IMPG2: variants seen among roughly 807,000 people sequenced by gnomAD.
IMPG2 encodes the protein IPM 200.
Under a neutral mutation model 129.2 loss-of-function variants are expected in IMPG2, and 91 were observed. That is an observed-to-expected ratio of 0.70 (90% CI 0.59 to 0.84). IMPG2 has a LOEUF of 0.84. Ranked by LOEUF, IMPG2 falls within the 40% of genes least tolerant of loss-of-function variation. The pLI is 0.00. For missense variants in IMPG2, 1,430 were observed against 1,461.7 expected (o/e 0.98, Z 0.35); for synonymous variants, 510 against 517.7 (o/e 0.99, Z 0.20).
In IMPG2 at chr3:101,265,578, C is replaced by T. The variant is rs1008083963; in HGVS notation, c.908+1933G>A. 5.9e-5 allele frequency among the ~76,000 whole-genome samples: 9 copies of T among 152,136 alleles called. No individual in the cohort carries two copies. The East Asian group carries it at 7.7e-4, about 13-fold the overall frequency. ...ATAGATCAAAGACCTAAATGTCAGACTTGAAAAACTATTAAATACTAGAAG... is the reference window on the plus strand; with the variant it reads ...ATAGATCAAAGACCTAAATGTCAGATTTGAAAAACTATTAAATACTAGAAG... On this transcript the variant is annotated intron_variant, in intron 9 of 18. Coordinates refer to ENST00000193391, the MANE Select transcript of IMPG2 (RefSeq NM_016247.4).
Position 101,241,456 on chromosome 3 carries a change from T to C in IMPG2, c.3022+1232A>G, listed in dbSNP as rs1166537475. ...ACATGTTGAGCAGAGGTTAGTTACA[T>C]TGGATATCGGGGAAGAAGATGGGGA... On this transcript the variant is annotated intron_variant, in intron 14 of 18. Coordinates refer to ENST00000193391, the MANE Select transcript of IMPG2 (RefSeq NM_016247.4). Among the ~76,000 whole-genome samples the C allele has an allele frequency of 2.6e-5, 4 of 152,062 alleles. No homozygotes were observed. The East Asian group carries it at 5.8e-4, about 22-fold the overall frequency.
intron 2 of IMPG2, among the ~76,000 whole-genome samples, chr3:101,313,998 T>G (rs1417363736): frequency 1.3e-5 from 2 of 152,000 alleles, no homozygotes; most frequent in African/African-American, 4.8e-5. Context: ...GATGAAAAAA[T>G]GTGAAATCCT....
chr3:101,299,139 C>T (rs1471876507), intron 3 of IMPG2, among the ~76,000 whole-genome samples: 2 of 152,076 alleles, frequency 1.3e-5, no homozygotes, highest in Non-Finnish European at 2.9e-5. Flanking sequence ...TGCCTTATTT[C>T]AGCAAAATAG....
chr3:101,256,211 AAGAAAG>A (rs1170874639), intron 10 of IMPG2, among the ~76,000 whole-genome samples: 1 of 150,572 alleles, frequency 6.6e-6, no homozygotes, highest in Admixed American at 6.6e-5. Flanking sequence ...GAAAGAAAGA[AAGAAAG>A]AAAAAAATAT....
chr3:101,257,826 A>T, intron 9 of IMPG2, 53 bp from the exon 10 acceptor site: 1 of 1,598,508 alleles, frequency 6.3e-7, no homozygotes, highest in South Asian at 1.1e-5. Context: ...GCACAAAGAA[A>T]GGAGCATTGA....
chr3:101,291,620 T>C, intron 3 of IMPG2, 110 bp from the exon 4 acceptor site: 1 of 776,646 alleles, frequency 1.3e-6, no homozygotes, highest in East Asian at 2.6e-5. Context: ...GAATCTATGT[T>C]AGTACTCTCT....
At chr3:101,241,243 T>A (rs1357335160) in intron 14 of IMPG2, among the ~76,000 whole-genome samples, 1 of 152,094 alleles carries the variant, frequency 6.6e-6, no homozygotes, top group East Asian at 1.9e-4. Context: ...ATATAAAAAC[T>A]GACAGGAAAG....
chr3:101,289,726 A>G (rs1162361648), intron 4 of IMPG2, among the ~76,000 whole-genome samples: 7 of 151,952 alleles, frequency 4.6e-5, no homozygotes, highest in African/African-American at 1.5e-4. Flanking sequence ...CACATGATCA[A>G]ATTTATTCTT....
intron 2 of IMPG2, among the ~76,000 whole-genome samples, chr3:101,308,363 G>T (rs545738576): frequency 1.3e-5 from 2 of 152,328 alleles, no homozygotes; most frequent in South Asian, 2.1e-4. Context: ...AAAAACTTCT[G>T]CCTGGACATC....
chr3:101,236,278 T>C (rs1559640681), intron 14 of IMPG2, among the ~76,000 whole-genome samples: 1 of 152,216 alleles, frequency 6.6e-6, no homozygotes, highest in Non-Finnish European at 1.5e-5. Context: ...GCAGGTTTTA[T>C]ACTGCACAGG....
intron 8 of IMPG2, among the ~76,000 whole-genome samples, 196 bp from the exon 9 acceptor site, chr3:101,267,727 G>T (rs902366909): frequency 6.6e-6 from 1 of 152,010 alleles, no homozygotes; most frequent in Non-Finnish European, 1.5e-5. Context: ...TAAAACCATG[G>T]TCTTTATTTT....
intron 9 of IMPG2, among the ~76,000 whole-genome samples, chr3:101,266,683 C>CTGTCTTGTTGAGTTGATG (rs1706724148): frequency 2.0e-5 from 3 of 152,246 alleles, no homozygotes; most frequent in African/African-American, 7.2e-5. Flanking sequence ...GTCAACAACC[C>CTGTCTTGTTGAGTTGATG]AGCCATTGTT....
At chr3:101,278,065 T>G (rs746801813) in intron 4 of IMPG2, among the ~76,000 whole-genome samples, 28 of 152,020 alleles carry the variant, frequency 1.8e-4, no homozygotes, top group Non-Finnish European at 3.2e-4. Flanking sequence ...TGAAACCCCG[T>G]CTCTACTAAA....
Position 101,319,709 on chromosome 3 carries a change from T to C in IMPG2, c.209A>G (p.Glu70Gly). 6.2e-7 allele frequency: 1 copy of C among 1,613,758 alleles called. No homozygotes were observed. The highest frequency in any genetic ancestry group is 8.5e-7 in the Non-Finnish European group (1 of 1,179,824). The change falls in exon 2 of 19, where the codon GAA becomes GGA. Residue 70 changes from glutamate to glycine, a missense_variant. Physicochemically the swap from Glu to Gly is moderately conservative, Grantham distance 98. Coordinates refer to ENST00000193391, the MANE Select transcript of IMPG2 (RefSeq NM_016247.4). ...TCTGATTAACCACTGTCTTTCAGTT[T>C]CTCTGCGGTCCAGAGGCTGTTTCTT... ...TKKKQPLDRR[E>G]TERQWLIRRR... is the part of the protein sequence containing the mutation.
intron 3 of IMPG2, among the ~76,000 whole-genome samples, chr3:101,299,718 C>T (rs1707120034): frequency 6.6e-6 from 1 of 152,120 alleles, no homozygotes; most frequent in African/African-American, 2.4e-5. Context: ...CTGGTTCATT[C>T]CCATGCCTGG....
chr3:101,231,153 C>A lies in IMPG2; in HGVS notation c.3234-8G>T. On this transcript the variant is annotated splice_region_variant and splice_polypyrimidine_tract_variant and intron_variant, in intron 15 of 18. Transcript: ENST00000193391. Reference sequence around the variant, plus strand: ...TTCTCACCCACCCGGCACCTGCAACCAACAGTCACCAAGTCCGATATCTGA... The same window carrying A: ...TTCTCACCCACCCGGCACCTGCAACAAACAGTCACCAAGTCCGATATCTGA... The A allele has an allele frequency of 2.5e-6, 4 of 1,613,756 alleles. No homozygotes were observed. Among genetic ancestry groups the A allele is most frequent in the East Asian group, 2.2e-5 (1 of 44,874 alleles).
chr3:101,264,453 T>A (rs1161311798), intron 9 of IMPG2, among the ~76,000 whole-genome samples: 1 of 152,000 alleles, frequency 6.6e-6, no homozygotes, highest in South Asian at 2.1e-4. Flanking sequence ...ATAAAAACCA[T>A]ATGATCATCA....
intron 7 of IMPG2, 60 bp downstream of exon 7, chr3:101,273,521 A>C (rs1706809126): frequency 4.5e-6 from 7 of 1,547,738 alleles, no homozygotes; most frequent in Non-Finnish European, 6.2e-6. Context: ...CAGTGTTGTG[A>C]ATATAGGAAA....
chr3:101,245,932 G>A lies in IMPG2; in HGVS notation c.1413C>T (p.Gly471=). Residue 471 remains glycine, a synonymous_variant, in exon 12 of 19, where the codon GGC becomes GGT. Transcript: ENST00000193391. ...THKLAFPSKM[G]LSSSPEVLEV... ...CTAAAACCTCTGGGGAAGAGCTGAG[G>A]CCCATCTTCGAGGGAAAGGCTAATT... 6.2e-7 allele frequency: 1 copy of A among 1,614,166 alleles called. No individual in the cohort carries two copies. The highest frequency in any genetic ancestry group is 8.5e-7 in the Non-Finnish European group (1 of 1,180,010).
Sources: allele counts gnomAD v4.1 joint callset (sites outside exome capture counted in the v4.1 genomes callset), GRCh38; gene constraint gnomAD v4.1.1; transcripts MANE v1.5; gene names NCBI Gene and HGNC (gene_info 2026-07-23, HGNC 2026-07-21).